AGTPBP1: variants seen among roughly 807,000 people sequenced by gnomAD.
The protein encoded by AGTPBP1 is ATP/GTP binding carboxypeptidase 1.
In AGTPBP1, 70 loss-of-function variants were observed where a neutral mutation model predicts 143.9. The ratio of observed to expected loss-of-function variants is 0.49; its 90% CI spans 0.40 to 0.59. AGTPBP1 has a LOEUF of 0.59. AGTPBP1 is among the 20% of genes least tolerant of loss of function. AGTPBP1 has a pLI of 0.00. For missense variants in AGTPBP1, 1,229 were observed against 1,464.5 expected, an observed-to-expected ratio of 0.84 and a Z score of 2.62; for synonymous variants, 463 against 500.2, an observed-to-expected ratio of 0.93 and a Z score of 0.99.
the AGTPBP1 span, among the ~76,000 whole-genome samples, chr9:85,747,272 T>C: frequency 2.0e-5 from 3 of 152,344 alleles, no homozygotes; most frequent in East Asian, 5.8e-4. Flanking sequence ...ATTTTGATTA[T>C]TGTAGGATTA....
chr9:85,729,527 C>T (rs985520748), intron 1 of AGTPBP1, among the ~76,000 whole-genome samples: 25 of 152,048 alleles, frequency 1.6e-4, no homozygotes, highest in African/African-American at 5.8e-4. Context: ...GGGACTACTA[C>T]GTCAAACTAA....
At chr9:85,794,844 T>C in the AGTPBP1 span, among the ~76,000 whole-genome samples, 1 of 152,294 alleles carries the variant, frequency 6.6e-6, no homozygotes, top group Non-Finnish European at 1.5e-5. Context: ...TACACTTCTT[T>C]GGTTAAATTT....
Position 85,641,607 on chromosome 9 carries a change from T to C in AGTPBP1, c.1302+1220A>G, listed in dbSNP as rs62566955. Among the ~76,000 whole-genome samples, 277 of 152,324 alleles carry C rather than the reference T, an allele frequency of 1.8e-3. 1 individual carries two copies. The highest frequency in any genetic ancestry group is 3.2e-3 in the Non-Finnish European group (216 of 68,012). On this transcript the variant is annotated intron_variant, in intron 13 of 25. Coordinates refer to ENST00000357081, the MANE Select transcript of AGTPBP1 (RefSeq NM_001330701.2). ...AGGGAAGGCTGCAGAAGGTGGACAG[T>C]TGTTGCATCTTTTATGGCATCTAAG... is the stretch of plus-strand genomic sequence containing the variant.
At chr9:85,625,655 G>A (rs1831226580) in intron 14 of AGTPBP1, among the ~76,000 whole-genome samples, 1 of 151,880 alleles carries the variant, frequency 6.6e-6, no homozygotes, top group South Asian at 2.1e-4. Flanking sequence ...GGAGGCTGAG[G>A]TGGGCAGAAC....
chr9:85,745,454 A>G (rs148142132), upstream of AGTPBP1, among the ~76,000 whole-genome samples: 779 of 152,372 alleles, frequency 5.1e-3, 7 homozygotes, highest in African/African-American at 0.017. Flanking sequence ...GGAATTAAGC[A>G]AATGATAATG....
intron 2 of AGTPBP1, among the ~76,000 whole-genome samples, chr9:85,703,928 G>A (rs767661689): frequency 9.2e-5 from 14 of 152,152 alleles, no homozygotes; most frequent in African/African-American, 2.4e-4. Context: ...CAATGGTACC[G>A]CAGACACCAA....
chr9:85,726,342 C>A (rs1039987140), intron 1 of AGTPBP1, among the ~76,000 whole-genome samples: 4 of 152,128 alleles, frequency 2.6e-5, no homozygotes, highest in Admixed American at 2.6e-4. Flanking sequence ...GACAAAATTA[C>A]AATGGAGTTA....
intron 19 of AGTPBP1, among the ~76,000 whole-genome samples, chr9:85,591,204 A>G (rs1339569065): frequency 6.6e-6 from 1 of 151,532 alleles, no homozygotes; most frequent in Non-Finnish European, 1.5e-5. Flanking sequence ...GGGGGGGAGT[A>G]CTAGAAAAAG....
intron 25 of AGTPBP1, among the ~76,000 whole-genome samples, chr9:85,559,449 AT>A (rs1166096752): frequency 6.7e-6 from 1 of 150,314 alleles, no homozygotes; most frequent in Non-Finnish European, 1.5e-5. Context: ...AAAAAAAAAA[AT>A]CTTTTTTTTT....
At chr9:85,603,113 T>C (rs1268813150) in intron 17 of AGTPBP1, among the ~76,000 whole-genome samples, 1 of 152,170 alleles carries the variant, frequency 6.6e-6, no homozygotes, top group Non-Finnish European at 1.5e-5. Flanking sequence ...GGACAAGTCC[T>C]GGTGCTATGC....
rs1315290510 is a variant in AGTPBP1, at chr9:85,633,211, T to C, written c.1466A>G (p.Glu489Gly). The change falls in exon 14 of 26, where the codon GAA becomes GGA. Residue 489 changes from glutamate (E) to glycine (G), a missense_variant. Coordinates refer to ENST00000357081, the MANE Select transcript of AGTPBP1 (RefSeq NM_001330701.2). ...TAGATCCATAAAGGTAGACTTCTTT[T>C]CACCTTCATCTCCTTTAGAAGATAT... is the stretch of plus-strand genomic sequence containing the variant. ...ENISSKGDEG[E>G]KKSTFMDLAK... The C allele has an allele frequency of 3.7e-6, 6 of 1,613,538 alleles. No homozygotes were observed. Among genetic ancestry groups the C allele is most frequent in the Non-Finnish European group, 5.1e-6 (6 of 1,179,932 alleles).
rs541775824 is a variant in AGTPBP1, at chr9:85,628,463, A to T, written c.2015+4199T>A. 8.7e-4 allele frequency among the ~76,000 whole-genome samples: 132 copies of T among 152,326 alleles called. 1 individual carries two copies. The highest frequency in any genetic ancestry group is 4.4e-3 in the South Asian group (21 of 4,822). On this transcript the variant is annotated intron_variant, in intron 14 of 25. Transcript: ENST00000357081. ...TCATACAATTATATGATGATGAGAG[A>T]CTAGCAAAGGTTTTAGATTGCTTCA...
chr9:85,555,800 T>C lies in AGTPBP1; in HGVS notation c.3504-8514A>G, dbSNP rs146273307. On this transcript the variant is annotated intron_variant, in intron 25 of 25. Coordinates refer to ENST00000357081, the MANE Select transcript of AGTPBP1 (RefSeq NM_001330701.2). ...TCAAATAAATAAAAATGGAAATAATTTGTTGTAAGCAGACATGCACTAAAA... is the reference window on the plus strand; with the variant it reads ...TCAAATAAATAAAAATGGAAATAATCTGTTGTAAGCAGACATGCACTAAAA... 1.9e-3 allele frequency among the ~76,000 whole-genome samples: 297 copies of C among 152,310 alleles called. 2 individuals are homozygous for C. The highest frequency in any genetic ancestry group is 5.0e-3 in the African/African-American group (208 of 41,560).
chr9:85,786,935 AAAGT>A, the AGTPBP1 span, among the ~76,000 whole-genome samples: 25 of 152,320 alleles, frequency 1.6e-4, 2 homozygotes, highest in South Asian at 5.0e-3. Context: ...GTACATTATA[AAAGT>A]ATGTTACAAT....
chr9:85,589,349 G>C (rs982327772), intron 20 of AGTPBP1, among the ~76,000 whole-genome samples, 179 bp downstream of exon 20: 9 of 152,094 alleles, frequency 5.9e-5, no homozygotes, highest in Non-Finnish European at 1.2e-4. Context: ...CTTATTTTCA[G>C]GATAAGGAAA....
At chr9:85,735,628 G>GTTT (rs1839193622) in intron 1 of AGTPBP1, among the ~76,000 whole-genome samples, 2 of 152,028 alleles carry the variant, frequency 1.3e-5, no homozygotes, top group South Asian at 2.1e-4. Flanking sequence ...GAAAAAAGTT[G>GTTT]TTTCAAATAT....
the AGTPBP1 span, chr9:85,756,296 C>T: frequency 8.7e-6 from 13 of 1,490,604 alleles, no homozygotes; most frequent in Admixed American, 2.4e-5. Flanking sequence ...AAACCACTCC[C>T]CACTCCCCAC....
chr9:85,562,983 C>T (rs1826840535), intron 25 of AGTPBP1, among the ~76,000 whole-genome samples: 1 of 152,154 alleles, frequency 6.6e-6, no homozygotes, highest in Non-Finnish European at 1.5e-5. Context: ...AACCCTTCTG[C>T]CATATGAGGT....
intron 13 of AGTPBP1, among the ~76,000 whole-genome samples, chr9:85,633,921 G>C (rs1469483997): frequency 6.6e-6 from 1 of 151,124 alleles, no homozygotes; most frequent in Non-Finnish European, 1.5e-5. Context: ...GCCGGGCACA[G>C]TGGCTCACAC....
Sources: gnomAD v4.1 joint callset for allele counts (sites outside exome capture counted in the v4.1 genomes callset) on GRCh38, gnomAD v4.1.1 for gene constraint, MANE v1.5 for transcripts, NCBI Gene and HGNC (gene_info 2026-07-23, HGNC 2026-07-21) for gene names.